The following NSG1 variants were observed in gnomAD, a reference collection of about 807,000 sequenced individuals.
The protein encoded by NSG1 is neuronal vesicle trafficking associated 1, also known as neuronal vesicle trafficking-associated protein 1.
In NSG1, 9 loss-of-function variants were observed where a neutral mutation model predicts 19.3. The ratio of observed to expected loss-of-function variants is 0.47; its 90% CI spans 0.28 to 0.81. The LOEUF (loss-of-function observed/expected upper bound fraction) is 0.81, where lower values mean the gene tolerates loss of function less well. Among genes scored for constraint, NSG1 ranks in the 40% least tolerant of loss-of-function variants. NSG1 has a pLI of 0.11. For synonymous variants in NSG1, 104 were observed against 107.0 expected, an observed-to-expected ratio of 0.97 and a Z score of 0.17; for missense variants, 236 against 242.4, an observed-to-expected ratio of 0.97 and a Z score of 0.18.
At chr4:4,411,634 C>T (rs1014395186) in intron 4 of NSG1, among the ~76,000 whole-genome samples, 19 of 152,170 alleles carry the variant, frequency 1.2e-4, no homozygotes, top group African/African-American at 4.6e-4. Flanking sequence ...ATCCCAGCTA[C>T]TCAGGAGGCT....
chr4:4,398,164 A>G (rs755066059), intron 3 of NSG1, among the ~76,000 whole-genome samples: 10 of 152,094 alleles, frequency 6.6e-5, no homozygotes, highest in Non-Finnish European at 1.3e-4. Context: ...TATCTTGGCC[A>G]GGCTGGTCTT....
At position 4,418,608 on chromosome 4, in the gene NSG1, CTA is replaced by C. The variant is rs1356741748; in HGVS notation, c.*1175_*1176del. On this transcript the variant is annotated 3_prime_UTR_variant, in exon 5 of 5. Transcript: ENST00000621129. ...GAAAAGACATTCGCAGACATTTCTT[CTA>C]TGTTATTGAATGTGTTGTTTCTGGT... The C allele has an allele frequency of 2.0e-5, 3 of 152,530 alleles. No individual in the cohort carries two copies. The highest frequency in any genetic ancestry group is 2.1e-4 in the South Asian group (1 of 4,828). The allele number at this position is 152,530 out of a possible 1,614,324, so 9.4% of individuals were successfully genotyped here. A position where few individuals can be genotyped will look rare whatever the true frequency, so the allele number is the denominator to read the frequency against.
intron 3 of NSG1, among the ~76,000 whole-genome samples, chr4:4,393,315 C>A (rs1723091741): frequency 6.6e-6 from 1 of 152,194 alleles, no homozygotes; most frequent in Non-Finnish European, 1.5e-5. Flanking sequence ...CTCTGGTGTT[C>A]TTCATTTGCA....
intron 3 of NSG1, among the ~76,000 whole-genome samples, chr4:4,393,186 C>G (rs1723085672): frequency 6.6e-6 from 1 of 152,088 alleles, no homozygotes; most frequent in Admixed American, 6.5e-5. Flanking sequence ...GCCCCACTTG[C>G]CCTTTGCTTT....
intron 3 of NSG1, among the ~76,000 whole-genome samples, chr4:4,398,643 A>G (rs537734945): frequency 6.6e-6 from 1 of 152,366 alleles, no homozygotes; most frequent in African/African-American, 2.4e-5. Flanking sequence ...ATGGCTGAGT[A>G]ATATTCCATT....
At chr4:4,415,559 T>A (rs997312905) in intron 4 of NSG1, among the ~76,000 whole-genome samples, 1 of 151,960 alleles carries the variant, frequency 6.6e-6, no homozygotes, top group Non-Finnish European at 1.5e-5. Context: ...CCCCCTGGGG[T>A]GCTCGCCACC....
intron 4 of NSG1, among the ~76,000 whole-genome samples, chr4:4,410,241 T>C (rs984909435): frequency 6.6e-6 from 1 of 152,096 alleles, no homozygotes; most frequent in Non-Finnish European, 1.5e-5. Flanking sequence ...TCTACAGGCA[T>C]GGAAATGCTC....
chr4:4,411,763 CAAAACA>C (rs1455997488), intron 4 of NSG1, among the ~76,000 whole-genome samples: 8 of 92,422 alleles, frequency 8.7e-5, no homozygotes, highest in Admixed American at 7.4e-4. Flanking sequence ...CAAAACAAAA[CAAAACA>C]AAACAAAACA....
At chr4:4,416,621 C>T (rs1724560329) in intron 4 of NSG1, among the ~76,000 whole-genome samples, 1 of 152,174 alleles carries the variant, frequency 6.6e-6, no homozygotes, top group Non-Finnish European at 1.5e-5. Flanking sequence ...AATCCGCTTC[C>T]TGATAAACCT....
chr4:4,407,496 CTG>C (rs1723931229), intron 3 of NSG1, among the ~76,000 whole-genome samples: 1 of 152,136 alleles, frequency 6.6e-6, no homozygotes, highest in Non-Finnish European at 1.5e-5. Context: ...GCCCCGGGCA[CTG>C]TGCTGAGAGC....
intron 3 of NSG1, among the ~76,000 whole-genome samples, chr4:4,396,914 C>A (rs1723283560): frequency 6.6e-6 from 1 of 152,116 alleles, no homozygotes; most frequent in Admixed American, 6.5e-5. Context: ...TGTGGACGCC[C>A]CCTCACCTTT....
chr4:4,417,469 G>C lies in NSG1; in HGVS notation c.*34G>C, dbSNP rs1378278067. 1 of 1,586,886 alleles carries C rather than the reference G, an allele frequency of 6.3e-7. No individual in the cohort carries two copies. Among genetic ancestry groups the C allele is most frequent in the African/African-American group, 1.3e-5 (1 of 74,364 alleles). ...GCAAGTTCCTTACAATGTGTCACTT[G>C]CAAATAACAAAGGGACTTTGAGGGA... On this transcript the variant is annotated 3_prime_UTR_variant, in exon 5 of 5. Transcript: ENST00000621129.
chr4:4,393,764 T>C (rs974948224), intron 3 of NSG1, among the ~76,000 whole-genome samples: 27 of 152,248 alleles, frequency 1.8e-4, no homozygotes, highest in Admixed American at 1.7e-3. Flanking sequence ...TGTGACTCTC[T>C]AGCTTCAAAG....
At chr4:4,399,129 AGTTT>A (rs1467542068) in intron 3 of NSG1, among the ~76,000 whole-genome samples, 4 of 151,674 alleles carry the variant, frequency 2.6e-5, no homozygotes, top group African/African-American at 9.7e-5. Context: ...TTTTTTAATC[AGTTT>A]GTTTGTGTTT....
chr4:4,389,128 G>A (rs1218041655), intron 2 of NSG1, among the ~76,000 whole-genome samples: 3 of 152,260 alleles, frequency 2.0e-5, no homozygotes, highest in Non-Finnish European at 2.9e-5. Flanking sequence ...TCCGTGTCCT[G>A]AGGCAGCACC....
intron 3 of NSG1, among the ~76,000 whole-genome samples, chr4:4,399,315 A>T (rs1181289186): frequency 6.6e-6 from 1 of 151,724 alleles, no homozygotes; most frequent in Admixed American, 6.6e-5. Context: ...GCTAATTTTC[A>T]TATTTTTTGT....
chr4:4,404,910 C>T (rs1723770189), intron 3 of NSG1, among the ~76,000 whole-genome samples: 2 of 151,134 alleles, frequency 1.3e-5, no homozygotes, highest in South Asian at 2.1e-4. Flanking sequence ...GGAGAGAGGG[C>T]AGGGCAGCCT....
rs1028979118 is a variant in NSG1, at chr4:4,417,223, C to T, written c.358-12C>T. On this transcript the variant is annotated splice_polypyrimidine_tract_variant and intron_variant, in intron 4 of 4. Transcript: ENST00000621129. ...CACCGACGCGTGCTCTCAGTGGCCT[C>T]TTGTCTTTCAGAACACCCAGTGCAT... The T allele has an allele frequency of 8.1e-6, 13 of 1,613,312 alleles. No individual in the cohort carries two copies. The African/African-American group carries it at 1.3e-4, about 17-fold the overall frequency.
At chr4:4,387,561 C>CCGGGGGTGGGGGTGG in intron 1 of NSG1, 43 bp from the exon 2 acceptor site, 2 of 1,141,992 alleles carry the variant, frequency 1.8e-6, no homozygotes, top group Non-Finnish European at 1.2e-6. Context: ...CGCCCCGCCC[C>CCGGGGGTGGGGGTGG]GGGTCTTGCT....
Sources: allele counts gnomAD v4.1 joint callset (sites outside exome capture counted in the v4.1 genomes callset), GRCh38; gene constraint gnomAD v4.1.1; transcripts MANE v1.5; gene names NCBI Gene and HGNC (gene_info 2026-07-23, HGNC 2026-07-21).